The following TAFA2 variants were observed in gnomAD, a reference collection of about 807,000 sequenced individuals.
TAFA2 encodes the protein chemokine-like protein TAFA-2.
A neutral mutation model predicts 18.8 loss-of-function variants in TAFA2; 7 were observed. The observed-to-expected ratio is 0.37, with a 90% CI of 0.21 to 0.70. The LOEUF (loss-of-function observed/expected upper bound fraction) is 0.70, where lower values mean the gene tolerates loss of function less well. Ranked by LOEUF, TAFA2 falls within the 30% of genes least tolerant of loss-of-function variation. The probability of loss-of-function intolerance (pLI) is 0.53; values close to 1 mark genes in which losing one functional copy is unlikely to be tolerated. For synonymous variants in TAFA2, 60 were observed against 54.2 expected (o/e 1.11, Z -0.47); for missense variants, 122 against 158.1 (o/e 0.77, Z 1.23).
At chr12:61,784,413 C>T (rs756591484) in intron 2 of TAFA2, among the ~76,000 whole-genome samples, 2 of 151,522 alleles carry the variant, frequency 1.3e-5, no homozygotes, top group Non-Finnish European at 3.0e-5. Flanking sequence ...ATCCATCTCT[C>T]GTCCTCAGAG....
intron 1 of TAFA2, among the ~76,000 whole-genome samples, chr12:62,037,652 T>G (rs549766975): frequency 1.3e-5 from 2 of 152,182 alleles, no homozygotes; most frequent in Non-Finnish European, 2.9e-5. Flanking sequence ...GCAGACCATC[T>G]GTACTTTTAA....
At chr12:62,255,374 C>A (rs1592422393) in intron 1 of TAFA2, 1 of 152,070 alleles carries the variant, frequency 6.6e-6, no homozygotes, top group Non-Finnish European at 1.5e-5. Flanking sequence ...CTACTATGAA[C>A]CTTGATTTTA....
chr12:61,814,073 C>T (rs1406905862), intron 2 of TAFA2, among the ~76,000 whole-genome samples: 2 of 151,366 alleles, frequency 1.3e-5, no homozygotes, highest in Non-Finnish European at 2.9e-5. Flanking sequence ...TAAGCAGAAT[C>T]ATTGCAGTTG....
At chr12:61,819,089 T>C (rs1218630451) in intron 2 of TAFA2, among the ~76,000 whole-genome samples, 2 of 152,162 alleles carry the variant, frequency 1.3e-5, no homozygotes, top group African/African-American at 4.8e-5. Flanking sequence ...ATATGTTTAG[T>C]ATATATCACC....
intron 1 of TAFA2, among the ~76,000 whole-genome samples, chr12:62,050,352 C>T (rs1273227596): frequency 2.0e-5 from 3 of 152,000 alleles, no homozygotes; most frequent in African/African-American, 7.2e-5. Flanking sequence ...GGGTAGATCA[C>T]GACATCAGGA....
intron 2 of TAFA2, among the ~76,000 whole-genome samples, chr12:61,834,684 A>G (rs952745091): frequency 6.6e-6 from 1 of 152,044 alleles, no homozygotes; most frequent in African/African-American, 2.4e-5. Flanking sequence ...AACTTCAAAC[A>G]GTGACAACCT....
intron 1 of TAFA2, among the ~76,000 whole-genome samples, chr12:61,945,672 A>G: frequency 7.5e-6 from 1 of 133,600 alleles, no homozygotes; most frequent in East Asian, 2.2e-4. Context: ...ACAGACAAAC[A>G]GAGAGCCAAA....
At chr12:62,189,876 G>C (rs1479357158) in intron 1 of TAFA2, among the ~76,000 whole-genome samples, 2 of 151,600 alleles carry the variant, frequency 1.3e-5, no homozygotes, top group African/African-American at 4.9e-5. Flanking sequence ...CTGTGTGAAG[G>C]ACCCTGCTAC....
intron 1 of TAFA2, among the ~76,000 whole-genome samples, chr12:62,187,508 T>G (rs186175728): frequency 1.3e-5 from 2 of 152,320 alleles, no homozygotes; most frequent in Admixed American, 1.3e-4. Context: ...TATGTATGTA[T>G]GTATGCATGT....
rs1555198029 is a variant in TAFA2, at chr12:61,738,329, A to ACACACACACACACACC, written c.384+15292_384+15293insGGTGTGTGTGTGTGTG. The stretch of plus-strand genomic sequence containing the variant: ...CACACACACACACACACACACACAC[A>ACACACACACACACACC]AACCTAGCTCATAAACCCAGGCTAA... On this transcript the variant is annotated intron_variant, in intron 4 of 4. Transcript: ENST00000416284. Among the ~76,000 whole-genome samples, 145 of 146,842 alleles carry ACACACACACACACACC rather than the reference A, an allele frequency of 9.9e-4. 2 individuals are homozygous for ACACACACACACACACC. The highest frequency in any genetic ancestry group is 3.9e-4 in the East Asian group (2 of 5,078).
chr12:62,063,719 G>C (rs1882411748), intron 1 of TAFA2, among the ~76,000 whole-genome samples: 1 of 152,074 alleles, frequency 6.6e-6, no homozygotes, highest in South Asian at 2.1e-4. Flanking sequence ...GGTTAATAGA[G>C]ACATACAACA....
intron 2 of TAFA2, among the ~76,000 whole-genome samples, chr12:61,847,086 G>A (rs1030246356): frequency 6.6e-6 from 1 of 151,852 alleles, no homozygotes; most frequent in Non-Finnish European, 1.5e-5. Flanking sequence ...TACTTTCATC[G>A]ACCCACTCAG....
intron 2 of TAFA2, among the ~76,000 whole-genome samples, chr12:61,867,098 C>G (rs901375362): frequency 6.6e-6 from 1 of 151,972 alleles, no homozygotes; most frequent in Middle Eastern, 3.4e-3. Context: ...TTTCCATATT[C>G]TTTGAACACT....
chr12:61,797,119 T>C (rs1218010718), intron 2 of TAFA2, among the ~76,000 whole-genome samples: 1 of 152,160 alleles, frequency 6.6e-6, no homozygotes, highest in African/African-American at 2.4e-5. Flanking sequence ...ACTGAGCAAT[T>C]AGCCTATTTA....
chr12:61,934,464 A>G (rs1321232055), intron 1 of TAFA2, among the ~76,000 whole-genome samples: 1 of 152,246 alleles, frequency 6.6e-6, no homozygotes. Context: ...CTAACTCACC[A>G]GGAATTAATG....
intron 1 of TAFA2, among the ~76,000 whole-genome samples, chr12:62,093,061 T>C (rs1868789793): frequency 6.6e-6 from 1 of 152,030 alleles, no homozygotes; most frequent in African/African-American, 2.4e-5. Context: ...TCAGTCTATT[T>C]ATGGATTTTT....
chr12:62,113,746 A>G (rs943396156), intron 1 of TAFA2, among the ~76,000 whole-genome samples: 9 of 152,168 alleles, frequency 5.9e-5, no homozygotes, highest in African/African-American at 1.9e-4. Flanking sequence ...CAGAGCTGCA[A>G]TGGGCACTCC....
At chr12:61,796,061 T>C (rs1382259908) in intron 2 of TAFA2, among the ~76,000 whole-genome samples, 1 of 152,158 alleles carries the variant, frequency 6.6e-6, no homozygotes, top group Non-Finnish European at 1.5e-5. Flanking sequence ...AACAACCACT[T>C]TGAAAAGCTG....
At chr12:62,230,723 G>T (rs1311723332) in intron 1 of TAFA2, among the ~76,000 whole-genome samples, 1 of 152,084 alleles carries the variant, frequency 6.6e-6, no homozygotes, top group Non-Finnish European at 1.5e-5. Flanking sequence ...TGTCACCCAG[G>T]CTGGAGTGCA....
Sources: allele counts gnomAD v4.1 joint callset (sites outside exome capture counted in the v4.1 genomes callset), GRCh38; gene constraint gnomAD v4.1.1; transcripts MANE v1.5; gene names NCBI Gene and HGNC (gene_info 2026-07-23, HGNC 2026-07-21).